ZDHHC15: variants seen among roughly 807,000 people sequenced by gnomAD.
The protein encoded by ZDHHC15 is zDHHC palmitoyltransferase 15, also known as palmitoyltransferase ZDHHC15.
ZDHHC15 carries 19 observed loss-of-function variants against 31.7 expected under a neutral mutation model. The ratio of observed to expected loss-of-function variants is 0.60; its 90% confidence interval spans 0.42 to 0.88. ZDHHC15 has a LOEUF of 0.88. Among genes scored for constraint, ZDHHC15 ranks in the 40% least tolerant of loss-of-function variants. The pLI is 0.00. For missense variants in ZDHHC15, 209 were observed against 251.2 expected, an observed-to-expected ratio of 0.83 and a Z score of 1.14; for synonymous variants, 103 against 90.0, an observed-to-expected ratio of 1.14 and a Z score of -0.82.
chrX:75,459,308 CTG>C (rs1347450510), intron 3 of ZDHHC15, among the ~76,000 whole-genome samples: 2 of 111,690 alleles, frequency 1.8e-5, no homozygotes, highest in Admixed American at 1.9e-4. Flanking sequence ...CAGTGTCATT[CTG>C]CAGGCTCCAC....
chrX:75,491,057 A>G (rs1166553327), intron 2 of ZDHHC15, among the ~76,000 whole-genome samples: 1 of 111,806 alleles, frequency 8.9e-6, no homozygotes, highest in East Asian at 2.8e-4. Context: ...CCATTGTGGA[A>G]GCCAGTGTGG....
In ZDHHC15 at chrX:75,440,310, T is replaced by C. The variant is rs188106379; in HGVS notation, c.380-8790A>G. Among the ~76,000 whole-genome samples the C allele has an allele frequency of 7.9e-3, 876 of 110,846 alleles. 1 individual carries two copies. The highest frequency in any genetic ancestry group is 0.019 in the Middle Eastern group (4 of 216). ...TTTTTTTGAGATGGAGATGGAGTCT[T>C]GCTCTGTTGCCCAGGCTGGAGTGCA... is the stretch of plus-strand genomic sequence containing the variant. On this transcript the variant is annotated intron_variant, in intron 4 of 11. Coordinates refer to ENST00000373367, the MANE Select transcript of ZDHHC15 (RefSeq NM_144969.3).
chrX:75,501,517 T>C (rs2085087207), intron 2 of ZDHHC15: 1 of 111,616 alleles, frequency 9.0e-6, no homozygotes, highest in Non-Finnish European at 1.9e-5. Context: ...TTTTAGGTCT[T>C]TGAGGAATCA....
intron 3 of ZDHHC15, among the ~76,000 whole-genome samples, chrX:75,465,357 A>G (rs2084385945): frequency 8.9e-6 from 1 of 112,227 alleles, no homozygotes; most frequent in African/African-American, 3.2e-5. Flanking sequence ...GGAAGAATCA[A>G]TATCGGGAAA....
At chrX:75,376,297 G>T (rs2083060018) in intron 11 of ZDHHC15, among the ~76,000 whole-genome samples, 1 of 98,327 alleles carries the variant, frequency 1.0e-5, no homozygotes, top group African/African-American at 3.6e-5. Context: ...TATAGATTCT[G>T]GATATTAAAC....
intron 1 of ZDHHC15, among the ~76,000 whole-genome samples, chrX:75,518,599 A>G (rs1394346075): frequency 1.9e-5 from 2 of 106,977 alleles, no homozygotes; most frequent in Non-Finnish European, 3.8e-5. Context: ...TAAACATAGA[A>G]TTACCATACA....
At chrX:75,440,571 G>A (rs2083926007) in intron 4 of ZDHHC15, among the ~76,000 whole-genome samples, 1 of 112,748 alleles carries the variant, frequency 8.9e-6, no homozygotes, top group Admixed American at 9.3e-5. Context: ...GAGCCACCGT[G>A]CCCAACCACG....
At chrX:75,461,331 C>T (rs1244824189) in intron 3 of ZDHHC15, among the ~76,000 whole-genome samples, 1 of 111,236 alleles carries the variant, frequency 9.0e-6, no homozygotes, top group East Asian at 2.8e-4. Context: ...AAAGAGATGG[C>T]GTGAATTGAA....
intron 6 of ZDHHC15, 78 bp downstream of exon 6, chrX:75,429,870 C>A: frequency 9.8e-7 from 1 of 1,019,867 alleles, no homozygotes. Flanking sequence ...AGGCATGTGA[C>A]AACTATGCTT....
intron 2 of ZDHHC15, among the ~76,000 whole-genome samples, chrX:75,494,129 T>C (rs2084948257): frequency 9.0e-6 from 1 of 111,299 alleles, no homozygotes; most frequent in African/African-American, 3.3e-5. Context: ...AGCATTCTTA[T>C]ACACCAATAA....
At chrX:75,476,487 T>C (rs1039329998) in intron 3 of ZDHHC15, among the ~76,000 whole-genome samples, 5 of 111,210 alleles carry the variant, frequency 4.5e-5, no homozygotes, top group African/African-American at 1.6e-4. Context: ...TTATCAAATT[T>C]AGGGGCACAC....
At chrX:75,495,702 G>T (rs1273992907) in intron 2 of ZDHHC15, among the ~76,000 whole-genome samples, 1 of 102,327 alleles carries the variant, frequency 9.8e-6, no homozygotes, top group African/African-American at 3.6e-5. Context: ...AATACCGCAT[G>T]TTCTCACTCA....
intron 10 of ZDHHC15, among the ~76,000 whole-genome samples, chrX:75,395,471 C>T (rs2083289610): frequency 9.0e-6 from 1 of 110,949 alleles, no homozygotes; most frequent in African/African-American, 3.3e-5. Flanking sequence ...AAATAAAATA[C>T]CCATAAATTA....
intron 4 of ZDHHC15, among the ~76,000 whole-genome samples, chrX:75,441,361 T>C (rs978487227): frequency 9.0e-6 from 1 of 111,494 alleles, no homozygotes; most frequent in Non-Finnish European, 1.9e-5. Context: ...ACAGGGTTCT[T>C]CCCACTGCTT....
At chrX:75,456,856 A>G (rs56219149) in intron 3 of ZDHHC15, among the ~76,000 whole-genome samples, 1 of 111,468 alleles carries the variant, frequency 9.0e-6, no homozygotes, top group African/African-American at 3.3e-5. Flanking sequence ...CTGTAAATTT[A>G]GACAGATCCA....
chrX:75,474,954 G>A (rs894904797), intron 3 of ZDHHC15, among the ~76,000 whole-genome samples: 1 of 110,329 alleles, frequency 9.1e-6, no homozygotes, highest in Admixed American at 9.7e-5. Context: ...CAGCTACTCG[G>A]GAGGCTGAGG....
At chrX:75,492,138 A>T (rs1401901420) in intron 2 of ZDHHC15, among the ~76,000 whole-genome samples, 1 of 111,160 alleles carries the variant, frequency 9.0e-6, no homozygotes, top group Non-Finnish European at 1.9e-5. Context: ...CAGGGGTTGC[A>T]ATCCTAGGCT....
intron 4 of ZDHHC15, among the ~76,000 whole-genome samples, chrX:75,439,530 T>A (rs1317378773): frequency 8.9e-6 from 1 of 111,919 alleles, no homozygotes; most frequent in Non-Finnish European, 1.9e-5. Flanking sequence ...GTTTTTTATT[T>A]ATGCTGTATA....
At chrX:75,522,857 T>G in intron 1 of ZDHHC15, 32 bp downstream of exon 1, 1 of 1,209,524 alleles carries the variant, frequency 8.3e-7, no homozygotes, top group African/African-American at 1.7e-5. Context: ...TGGAGTATAA[T>G]TTCCCCACCT....
Sources: allele counts gnomAD v4.1 joint callset (sites outside exome capture counted in the v4.1 genomes callset), GRCh38; gene constraint gnomAD v4.1.1; transcripts MANE v1.5; gene names NCBI Gene and HGNC (gene_info 2026-07-23, HGNC 2026-07-21).